Variants in TTPA observed in about 807,000 individuals in gnomAD.
TTPA encodes alpha tocopherol transfer protein.
A neutral mutation model predicts 25.9 loss-of-function variants in TTPA; 23 were observed. The ratio of observed to expected loss-of-function variants is 0.89; its 90% CI spans 0.64 to 1.26. TTPA has a LOEUF of 1.26. Ranked by LOEUF, TTPA falls within the 50% of genes most tolerant of loss-of-function variation. TTPA has a pLI of 0.00. For synonymous variants in TTPA, 148 were observed against 137.3 expected (o/e 1.08, Z -0.54); for missense variants, 337 against 353.1 (o/e 0.95, Z 0.37).
chr8:63,069,117 G>T (rs1235770747), intron 2 of TTPA, among the ~76,000 whole-genome samples: 2 of 151,992 alleles, frequency 1.3e-5, no homozygotes, highest in Non-Finnish European at 2.9e-5. Flanking sequence ...ATGGCCCACT[G>T]CTCTCCAGCC....
At chr8:63,063,770 A>T (rs1005401585) in intron 4 of TTPA, among the ~76,000 whole-genome samples, 20 of 152,130 alleles carry the variant, frequency 1.3e-4, no homozygotes, top group Non-Finnish European at 2.6e-4. Flanking sequence ...AACATCCTGC[A>T]ATCTCGTTGT....
In TTPA at chr8:63,085,970, G is replaced by C; in HGVS notation, c.52C>G (p.Pro18Ala). The change falls in exon 1 of 5, where the codon CCG (proline) becomes GCG (alanine). Residue 18 changes from proline (P) to alanine (A), a missense_variant. Transcript: ENST00000260116. The stretch of plus-strand genomic sequence containing the variant: ...GGCTGCAGCAACGGAGAGTGGTCCG[G>C]TAGCGCGTTGAGCTGCGGCCCCGCC... ...PSAGPQLNAL[P>A]DHSPLLQPGL... is the part of the protein sequence containing the mutation. The C allele has an allele frequency of 6.6e-7, 1 of 1,514,962 alleles. No homozygotes were observed. Among genetic ancestry groups the C allele is most frequent in the Non-Finnish European group, 8.8e-7 (1 of 1,140,086 alleles). The allele number at this position is 1,514,962 out of a possible 1,614,324, so 93.8% of individuals were successfully genotyped here. A position where few individuals can be genotyped will look rare whatever the true frequency, so the allele number is the denominator to read the frequency against.
Position 63,085,861 on chromosome 8 carries a change from C to A in TTPA, c.161G>T (p.Arg54Leu). The stretch of plus-strand genomic sequence containing the variant: ...ATCGAAATCCCGGGCGCGCAGGAAC[C>A]GCAGCAGGAAGGAGTCGGTGAGCGG... ...PLPLTDSFLL[R>L]FLRARDFDLD... The change falls in exon 1 of 5, where the codon CGG (arginine) becomes CTG (leucine). Residue 54 changes from arginine (R) to leucine (L), a missense_variant. Physicochemically the swap from Arg to Leu is moderately radical, Grantham distance 102. Transcript: ENST00000260116. The A allele has an allele frequency of 6.5e-7, 1 of 1,536,190 alleles. No individual in the cohort carries two copies. The highest frequency in any genetic ancestry group is 8.7e-7 in the Non-Finnish European group (1 of 1,145,526).
chr8:63,078,453 G>A (rs1317365276), intron 1 of TTPA, among the ~76,000 whole-genome samples: 1 of 152,082 alleles, frequency 6.6e-6, no homozygotes, highest in African/African-American at 2.4e-5. Context: ...AAGGTTAAAC[G>A]AATGGCAAAC....
At chr8:63,083,553 T>C in intron 1 of TTPA, among the ~76,000 whole-genome samples, 1 of 151,726 alleles carries the variant, frequency 6.6e-6, no homozygotes. Flanking sequence ...AGTTGATGGG[T>C]GCAGCAAACC....
chr8:63,073,927 C>T (rs1805520034), intron 1 of TTPA, among the ~76,000 whole-genome samples: 1 of 152,164 alleles, frequency 6.6e-6, no homozygotes, highest in South Asian at 2.1e-4. Flanking sequence ...AATAGCTAAT[C>T]ATATACGCAA....
intron 1 of TTPA, among the ~76,000 whole-genome samples, chr8:63,081,756 C>G (rs1805667716): frequency 6.6e-6 from 1 of 152,170 alleles, no homozygotes; most frequent in African/African-American, 2.4e-5. Context: ...CGTCTCAACC[C>G]AAAATCTCCT....
rs1304224009 is a variant in TTPA, at chr8:63,080,938, A to G, written c.204+4880T>C. On this transcript the variant is annotated intron_variant, in intron 1 of 4. Transcript: ENST00000260116. ...TGGACACATACACCCTCCCAAGACT[A>G]AACCAGGAAGAAGTTGAATCTCTGA... 7.2e-5 allele frequency among the ~76,000 whole-genome samples: 11 copies of G among 151,896 alleles called. 1 individual carries two copies. Among genetic ancestry groups the G allele is most frequent in the Admixed American group, 7.2e-4 (11 of 15,246 alleles).
chr8:63,080,719 C>CAAA (rs764937720), intron 1 of TTPA, among the ~76,000 whole-genome samples: 1 of 69,886 alleles, frequency 1.4e-5, no homozygotes, highest in Non-Finnish European at 3.3e-5. Flanking sequence ...GACTCCGTAT[C>CAAA]AAAAAAAAAA....
rs2129734157 is a variant in TTPA, at chr8:63,061,280, A to G, written c.809T>C (p.Leu270Pro). 1 of 1,613,810 alleles carries G rather than the reference A, an allele frequency of 6.2e-7. No individual in the cohort carries two copies. The highest frequency in any genetic ancestry group is 8.5e-7 in the Non-Finnish European group (1 of 1,179,924). ...TTGAATGCTCTCAGAAATGCTGCTG[A>G]GATAATCTTCAGACTTCATTATAAA... is the stretch of plus-strand genomic sequence containing the variant. The part of the protein sequence containing the change: ...TNFIMKSEDY[L>P]SSISESIQ Residue 270 changes from leucine (L) to proline (P), a missense_variant, in exon 5 of 5, where the codon CTC (leucine) becomes CCC (proline). By Grantham distance (98) the Leu-to-Pro change is moderately conservative. Coordinates refer to ENST00000260116, the MANE Select transcript of TTPA (RefSeq NM_000370.3).
At chr8:63,083,183 C>G (rs1338483644) in intron 1 of TTPA, among the ~76,000 whole-genome samples, 5 of 152,286 alleles carry the variant, frequency 3.3e-5, no homozygotes, top group African/African-American at 1.2e-4. Flanking sequence ...AAGACACATG[C>G]ACACGTATGT....
chr8:63,082,457 G>T (rs1805678944), intron 1 of TTPA, among the ~76,000 whole-genome samples: 1 of 152,136 alleles, frequency 6.6e-6, no homozygotes, highest in African/African-American at 2.4e-5. Flanking sequence ...AGCTGAAACT[G>T]GATCCCTTCC....
chr8:63,077,338 G>C (rs1805578985), intron 1 of TTPA, among the ~76,000 whole-genome samples: 1 of 152,112 alleles, frequency 6.6e-6, no homozygotes, highest in African/African-American at 2.4e-5. Flanking sequence ...ATGGAGGGTG[G>C]GCTGAAGCAA....
intron 1 of TTPA, among the ~76,000 whole-genome samples, chr8:63,074,837 T>C (rs1296023592): frequency 6.6e-6 from 1 of 152,216 alleles, no homozygotes; most frequent in Admixed American, 6.5e-5. Context: ...AAGGGATCAT[T>C]TAGGTTTAAT....
chr8:63,065,149 C>A (rs1006437340), intron 3 of TTPA, among the ~76,000 whole-genome samples: 39 of 152,114 alleles, frequency 2.6e-4, no homozygotes, highest in African/African-American at 9.4e-4. Context: ...TATTTTACTT[C>A]TTTACTGAAA....
intron 1 of TTPA, among the ~76,000 whole-genome samples, chr8:63,085,145 A>G (rs1398262444): frequency 6.6e-6 from 1 of 152,220 alleles, no homozygotes; most frequent in Admixed American, 6.5e-5. Flanking sequence ...TATTTAACAG[A>G]TAAGGACACC....
At chr8:63,072,043 T>C (rs1805491641) in intron 2 of TTPA, among the ~76,000 whole-genome samples, 2 of 152,154 alleles carry the variant, frequency 1.3e-5, no homozygotes, top group Non-Finnish European at 2.9e-5. Flanking sequence ...CCAGAGGAGT[T>C]GCCTTTCCTC....
chr8:63,059,165 G>A (rs976798137), downstream of TTPA, among the ~76,000 whole-genome samples: 2 of 148,138 alleles, frequency 1.4e-5, no homozygotes, highest in Non-Finnish European at 3.0e-5. Flanking sequence ...CCAAGTAGCT[G>A]GGACTACAGG....
intron 2 of TTPA, among the ~76,000 whole-genome samples, chr8:63,069,935 T>C (rs1805458067): frequency 6.6e-6 from 1 of 152,228 alleles, no homozygotes; most frequent in Non-Finnish European, 1.5e-5. Flanking sequence ...CAGTATCTAC[T>C]TAATATGTAT....
Sources: allele counts gnomAD v4.1 joint callset (sites outside exome capture counted in the v4.1 genomes callset), GRCh38; gene constraint gnomAD v4.1.1; transcripts MANE v1.5; gene names NCBI Gene and HGNC (gene_info 2026-07-23, HGNC 2026-07-21).